XPNPEP3: variants seen among roughly 807,000 people sequenced by gnomAD.
The protein encoded by XPNPEP3 is X-prolyl aminopeptidase 3.
A neutral mutation model predicts 60.0 loss-of-function variants in XPNPEP3; 41 were observed. The ratio of observed to expected loss-of-function variants is 0.68; its 90% CI spans 0.53 to 0.89. The LOEUF (loss-of-function observed/expected upper bound fraction) is 0.89. XPNPEP3 is among the 40% of genes least tolerant of loss of function. The pLI is 0.00. For missense variants in XPNPEP3, 598 were observed against 638.9 expected (o/e 0.94, Z 0.69); for synonymous variants, 212 against 223.2 (o/e 0.95, Z 0.45).
intron 1 of XPNPEP3, among the ~76,000 whole-genome samples, chr22:40,859,053 G>A (rs1025383330): frequency 6.6e-6 from 1 of 152,160 alleles, no homozygotes; most frequent in South Asian, 2.1e-4. Context: ...ACTGCACCCA[G>A]CCCTTAATAG....
intron 1 of XPNPEP3, chr22:40,861,895 TA>T (rs1438886173): frequency 1.2e-6 from 2 of 1,614,020 alleles, no homozygotes; most frequent in Non-Finnish European, 1.7e-6. Flanking sequence ...TCTGGATTTT[TA>T]TCAGGGTGCC....
chr22:40,879,272 T>C (rs958714736), intron 2 of XPNPEP3, among the ~76,000 whole-genome samples: 1 of 152,220 alleles, frequency 6.6e-6, no homozygotes, highest in African/African-American at 2.4e-5. Flanking sequence ...TATCACTCTC[T>C]CTTATTTCTT....
intron 7 of XPNPEP3, among the ~76,000 whole-genome samples, chr22:40,915,691 G>T (rs1190395754): frequency 6.6e-6 from 1 of 152,176 alleles, no homozygotes; most frequent in African/African-American, 2.4e-5. Context: ...ATAGATTTAG[G>T]TGCTGACAGA....
At chr22:40,922,096 C>T (rs983473110) in intron 7 of XPNPEP3, among the ~76,000 whole-genome samples, 2 of 152,038 alleles carry the variant, frequency 1.3e-5, no homozygotes, top group African/African-American at 4.8e-5. Flanking sequence ...CATGTCTCTC[C>T]TGACCATTTG....
chr22:40,875,881 A>G (rs889163570), intron 2 of XPNPEP3, among the ~76,000 whole-genome samples: 11 of 151,258 alleles, frequency 7.3e-5, no homozygotes, highest in African/African-American at 2.7e-4. Flanking sequence ...TTAGCCAGGC[A>G]TGGTGGTGCA....
intron 6 of XPNPEP3, among the ~76,000 whole-genome samples, chr22:40,910,398 T>C (rs566962433): frequency 2.6e-5 from 4 of 152,022 alleles, no homozygotes; most frequent in African/African-American, 7.2e-5. Flanking sequence ...TTTGGAGGGA[T>C]TTTTTTTAAC....
chr22:40,894,390 T>A (rs1195273515), intron 4 of XPNPEP3, among the ~76,000 whole-genome samples: 1 of 152,224 alleles, frequency 6.6e-6, no homozygotes, highest in Non-Finnish European at 1.5e-5. Flanking sequence ...TAAATTTTTT[T>A]ATTTATGTAT....
intron 7 of XPNPEP3, among the ~76,000 whole-genome samples, chr22:40,920,826 C>G (rs1054244632): frequency 6.6e-5 from 10 of 152,012 alleles, no homozygotes; most frequent in Non-Finnish European, 1.3e-4. Context: ...GAGTTTCACT[C>G]TTGTTGCCCA....
chr22:40,861,859 A>G (rs771103565), intron 1 of XPNPEP3: 92 of 1,613,472 alleles, frequency 5.7e-5, no homozygotes, highest in Non-Finnish European at 5.7e-5. Flanking sequence ...ACTTCTTTGA[A>G]TTTTCTCTCT....
At chr22:40,920,232 G>C (rs1000732424) in intron 7 of XPNPEP3, among the ~76,000 whole-genome samples, 1 of 152,134 alleles carries the variant, frequency 6.6e-6, no homozygotes, top group Non-Finnish European at 1.5e-5. Flanking sequence ...GCTGGGCGTG[G>C]TGGTGGGCGC....
chr22:40,930,649 A>C lies in XPNPEP3; in HGVS notation c.*4214A>C, dbSNP rs1450658967. 3 of 151,722 alleles carry C rather than the reference A, an allele frequency of 2.0e-5. No individual in the cohort carries two copies. The highest frequency in any genetic ancestry group is 7.3e-5 in the African/African-American group (3 of 41,292). The allele number at this position is 151,722 out of a possible 1,614,324, so 9.4% of individuals were successfully genotyped here. A position where few individuals can be genotyped will look rare whatever the true frequency, so the allele number is the denominator to read the frequency against. ...CAGTGGTGTGATCTTGGCTCACTGCAACCTCCACCCACCGGCTTCAACCAA... is the reference window on the plus strand; with the variant it reads ...CAGTGGTGTGATCTTGGCTCACTGCCACCTCCACCCACCGGCTTCAACCAA... On this transcript the variant is annotated 3_prime_UTR_variant, in exon 10 of 10. Coordinates refer to ENST00000357137, the MANE Select transcript of XPNPEP3 (RefSeq NM_022098.4).
intron 1 of XPNPEP3, among the ~76,000 whole-genome samples, chr22:40,858,359 T>C (rs1006897181): frequency 9.2e-5 from 14 of 151,880 alleles, no homozygotes; most frequent in Non-Finnish European, 1.9e-4. Context: ...CACCCTCCTC[T>C]CTGAGCCACC....
chr22:40,916,409 G>A (rs1021822411), intron 7 of XPNPEP3, among the ~76,000 whole-genome samples: 2 of 152,112 alleles, frequency 1.3e-5, no homozygotes, highest in Non-Finnish European at 2.9e-5. Context: ...GCAAACAGAT[G>A]GAGAATCTCA....
At chr22:40,914,469 G>C in intron 7 of XPNPEP3, 145 bp downstream of exon 7, 1 of 605,056 alleles carries the variant, frequency 1.7e-6, no homozygotes, top group Non-Finnish European at 3.0e-6. Flanking sequence ...TATTTTCTAA[G>C]ACTGTTTTGT....
chr22:40,929,064 G>A lies in XPNPEP3; in HGVS notation c.*2629G>A, dbSNP rs2899341. 0.55 allele frequency: 83,823 copies of A among 151,914 alleles called. 23,954 individuals are homozygous for A. Among genetic ancestry groups the A allele is most frequent in the East Asian group, 0.93 (4,821 of 5,158 alleles). 9.4% of individuals were successfully genotyped at this position (151,914 alleles called of 1,614,324 possible). A position where few individuals can be genotyped will look rare whatever the true frequency, so the allele number is the denominator to read the frequency against. ...AAAAGGGGAGGGAAATAACTCCACA[G>A]CTCTGGCTGCTCACTTCCCAGGCTC... On this transcript the variant is annotated 3_prime_UTR_variant, in exon 10 of 10. Coordinates refer to ENST00000357137, the MANE Select transcript of XPNPEP3 (RefSeq NM_022098.4).
intron 2 of XPNPEP3, among the ~76,000 whole-genome samples, chr22:40,880,887 A>T (rs1214650546): frequency 6.6e-6 from 1 of 151,976 alleles, no homozygotes; most frequent in Admixed American, 6.6e-5. Context: ...ATAGAGACAG[A>T]TAATAGATTA....
At chr22:40,905,765 C>T (rs552956430) in intron 4 of XPNPEP3, among the ~76,000 whole-genome samples, 24 of 152,144 alleles carry the variant, frequency 1.6e-4, no homozygotes, top group Admixed American at 1.1e-3. Context: ...TTGGCAATGC[C>T]GTTCAACCTC....
In XPNPEP3 at chr22:40,929,316, C is replaced by G. The variant is rs9623283; in HGVS notation, c.*2881C>G. The G allele has an allele frequency of 0.044, 6,684 of 151,838 alleles. 475 individuals are homozygous for G. The highest frequency in any genetic ancestry group is 0.15 in the African/African-American group (6,290 of 41,242). 9.4% of individuals were successfully genotyped at this position (151,838 alleles called of 1,614,324 possible). On this transcript the variant is annotated 3_prime_UTR_variant, in exon 10 of 10. Coordinates refer to ENST00000357137, the MANE Select transcript of XPNPEP3 (RefSeq NM_022098.4). ...AAGCGATTCTCCTGCCTCAGCCTCC[C>G]GAATAGCTAGGAATACAGGCGCCTG...
At position 40,882,289 on chromosome 22, in the gene XPNPEP3, A is replaced by G. The variant is rs956070261; in HGVS notation, c.589+112A>G. 8 of 1,135,888 alleles carry G rather than the reference A, an allele frequency of 7.0e-6. No homozygotes were observed. In the African/African-American group the frequency reaches 1.1e-4, roughly 15 times the overall value. The allele number at this position is 1,135,888 out of a possible 1,614,324, so 70.4% of individuals were successfully genotyped here. On this transcript the variant is annotated intron_variant, in intron 3 of 9. Transcript: ENST00000357137. Reference sequence around the variant, plus strand: ...ATCGTAGCACCACCATGAAAAGACCATGAGCACCATGAAAGAAATGTAAAG... The same window carrying G: ...ATCGTAGCACCACCATGAAAAGACCGTGAGCACCATGAAAGAAATGTAAAG...
Sources: gnomAD v4.1 joint callset for allele counts (sites outside exome capture counted in the v4.1 genomes callset) on GRCh38, gnomAD v4.1.1 for gene constraint, MANE v1.5 for transcripts, NCBI Gene and HGNC (gene_info 2026-07-23, HGNC 2026-07-21) for gene names.